Variants in VPS13B observed in about 807,000 individuals in gnomAD.
The protein encoded by VPS13B is intermembrane lipid transfer protein VPS13B.
VPS13B carries 285 observed loss-of-function variants against 426.4 expected under a neutral mutation model. That is an observed-to-expected ratio of 0.67 (90% CI 0.61 to 0.74). The LOEUF (loss-of-function observed/expected upper bound fraction) is 0.74. Among genes scored for constraint, VPS13B ranks in the 30% least tolerant of loss-of-function variants. VPS13B has a pLI of 0.00. For synonymous variants in VPS13B, 1,676 were observed against 1,676.4 expected (o/e 1.00, Z 0.01); for missense variants, 4,537 against 4,782.6 (o/e 0.95, Z 1.51).
At position 99,467,459 on chromosome 8, in the gene VPS13B, A is replaced by T; in HGVS notation, c.3491A>T (p.Tyr1164Phe). The T allele has an allele frequency of 6.2e-7, 1 of 1,613,804 alleles. No homozygotes were observed. Among genetic ancestry groups the T allele is most frequent in the South Asian group, 1.1e-5 (1 of 91,076 alleles). The stretch of plus-strand genomic sequence containing the variant: ...ATCAGCTTGCATAATTTCAGCATAT[A>T]TACCCTTCTTGGAAAACAAGTGACA... ...WTISLHNFSI[Y>F]TLLGKQVTLC... is the part of the protein sequence containing the mutation. Residue 1164 changes from tyrosine (Y) to phenylalanine (F), a missense_variant, in exon 24 of 62, where the codon TAT (tyrosine) becomes TTT (phenylalanine). Tyr to Phe is a conservative substitution (Grantham distance 22). This residue lies in a region of VPS13B where 4,311 missense variants were observed against 4,474.3 expected (regional missense o/e 0.96). Coordinates refer to ENST00000357162, the MANE Select transcript of VPS13B (RefSeq NM_152564.5).
chr8:99,245,083 C>G (rs959912885), intron 17 of VPS13B, among the ~76,000 whole-genome samples: 1 of 152,060 alleles, frequency 6.6e-6, no homozygotes, highest in African/African-American at 2.4e-5. Context: ...CAATTTAGTA[C>G]GGTAATTGTT....
At chr8:99,818,969 C>CG in intron 47 of VPS13B, 81 bp downstream of exon 47, 8 of 78,698 alleles carry the variant, frequency 1.0e-4, no homozygotes, top group Admixed American at 1.9e-4. Flanking sequence ...TGGGGGGCGG[C>CG]GGGGGAGGGG....
intron 33 of VPS13B, among the ~76,000 whole-genome samples, chr8:99,595,950 G>C (rs1470154560): frequency 6.6e-6 from 1 of 151,778 alleles, no homozygotes; most frequent in Non-Finnish European, 1.5e-5. Context: ...GCAAATCAAA[G>C]CCACAAGAAA....
intron 50 of VPS13B, among the ~76,000 whole-genome samples, chr8:99,822,194 G>A (rs1349587267): frequency 1.3e-5 from 2 of 152,134 alleles, no homozygotes; most frequent in Non-Finnish European, 2.9e-5. Flanking sequence ...TCCAAAATTA[G>A]AAAAAGAAGG....
At chr8:99,423,395 T>TA (rs1428304547) in intron 21 of VPS13B, among the ~76,000 whole-genome samples, 1 of 151,732 alleles carries the variant, frequency 6.6e-6, no homozygotes, top group East Asian at 1.9e-4. Flanking sequence ...TAGCTGGGAT[T>TA]ACAGGTGTGT....
At chr8:99,108,669 T>C (rs1733561717) in intron 5 of VPS13B, among the ~76,000 whole-genome samples, 1 of 152,166 alleles carries the variant, frequency 6.6e-6, no homozygotes, top group Non-Finnish European at 1.5e-5. Flanking sequence ...CGTACTGTTT[T>C]GGTTATTATT....
chr8:99,654,308 A>G (rs560913293), intron 34 of VPS13B, among the ~76,000 whole-genome samples: 164 of 151,366 alleles, frequency 1.1e-3, no homozygotes, highest in Non-Finnish European at 2.1e-3. Context: ...TCGGCCTTCC[A>G]AAGTGCTGGG....
At chr8:99,178,731 C>T (rs1403247606) in intron 16 of VPS13B, among the ~76,000 whole-genome samples, 3 of 152,044 alleles carry the variant, frequency 2.0e-5, no homozygotes, top group Non-Finnish European at 4.4e-5. Flanking sequence ...AAGCGATTCT[C>T]CTGCCTCAGC....
At chr8:99,637,556 G>A (rs1315904991) in intron 33 of VPS13B, among the ~76,000 whole-genome samples, 1 of 152,060 alleles carries the variant, frequency 6.6e-6, no homozygotes, top group Non-Finnish European at 1.5e-5. Flanking sequence ...TTTGTGACCT[G>A]AGCTGATAGC....
chr8:99,021,388 C>T (rs971210102), intron 2 of VPS13B, among the ~76,000 whole-genome samples: 9 of 151,954 alleles, frequency 5.9e-5, no homozygotes, highest in Non-Finnish European at 1.0e-4. Flanking sequence ...TTTGGGAGGC[C>T]GAGGCGGGTG....
chr8:99,286,554 A>C (rs1199828750), intron 19 of VPS13B, among the ~76,000 whole-genome samples: 5 of 152,160 alleles, frequency 3.3e-5, no homozygotes, highest in African/African-American at 1.2e-4. Context: ...ACCTGACAGA[A>C]TTTGCGTACC....
chr8:99,156,540 A>G lies in VPS13B; in HGVS notation c.2014-9A>G, dbSNP rs1811374185. 6.2e-7 allele frequency: 1 copy of G among 1,613,710 alleles called. No homozygotes were observed. The highest frequency in any genetic ancestry group is 8.5e-7 in the Non-Finnish European group (1 of 1,179,780). ...TTTAAAATATAAAGCGAACACTATTATTTTCTAGAACTCAAGTAACTTCAT... is the reference window on the plus strand; with the variant it reads ...TTTAAAATATAAAGCGAACACTATTGTTTTCTAGAACTCAAGTAACTTCAT... On this transcript the variant is annotated splice_polypyrimidine_tract_variant and intron_variant, in intron 14 of 61. Transcript: ENST00000357162.
At chr8:99,713,405 T>G (rs551812748) in intron 36 of VPS13B, among the ~76,000 whole-genome samples, 13 of 152,310 alleles carry the variant, frequency 8.5e-5, no homozygotes, top group African/African-American at 3.1e-4. Flanking sequence ...CTCCAAGTGA[T>G]GTTTTAAGGT....
At chr8:99,228,167 A>G (rs1816119580) in intron 17 of VPS13B, among the ~76,000 whole-genome samples, 1 of 152,262 alleles carries the variant, frequency 6.6e-6, no homozygotes, top group Non-Finnish European at 1.5e-5. Context: ...TCAGAAAATA[A>G]AATGGCTTAG....
chr8:99,037,837 CT>C (rs5893475), intron 2 of VPS13B, among the ~76,000 whole-genome samples: 100,201 of 142,070 alleles, frequency 0.71, 35,432 homozygotes, highest in South Asian at 0.82. Flanking sequence ...AAGTGGAATA[CT>C]TTTTTTTTTT....
intron 7 of VPS13B, among the ~76,000 whole-genome samples, chr8:99,118,157 T>C (rs908522820): frequency 6.6e-6 from 1 of 152,184 alleles, no homozygotes; most frequent in Non-Finnish European, 1.5e-5. Context: ...ATTTCAAATA[T>C]ATGGAAAAGC....
intron 54 of VPS13B, among the ~76,000 whole-genome samples, chr8:99,845,347 T>TA (rs990150499): frequency 3.9e-5 from 6 of 152,156 alleles, no homozygotes; most frequent in Non-Finnish European, 8.8e-5. Context: ...CCCTTGTAAC[T>TA]AACCACCCCA....
At chr8:99,509,640 C>CT (rs375329412) in intron 28 of VPS13B, among the ~76,000 whole-genome samples, 5 of 151,738 alleles carry the variant, frequency 3.3e-5, no homozygotes, top group African/African-American at 9.7e-5. Flanking sequence ...TCCTATTTCT[C>CT]TTTTTTTTCT....
At chr8:99,485,801 G>T (rs552284049) in intron 25 of VPS13B, among the ~76,000 whole-genome samples, 62 of 152,186 alleles carry the variant, frequency 4.1e-4, no homozygotes, top group African/African-American at 1.4e-3. Flanking sequence ...AAGCATAAAG[G>T]CTTTTGAATA....
Sources: allele counts gnomAD v4.1 joint callset (sites outside exome capture counted in the v4.1 genomes callset), GRCh38; gene constraint gnomAD v4.1.1; regional missense constraint gnomAD v4.1.1; transcripts MANE v1.5; gene names NCBI Gene and HGNC (gene_info 2026-07-23, HGNC 2026-07-21).